The following RIOK3 variants were observed in gnomAD, a reference collection of about 807,000 sequenced individuals.
The protein encoded by RIOK3 is RIO kinase 3.
In RIOK3, 40 loss-of-function variants were observed where a neutral mutation model predicts 63.5. That is an observed-to-expected ratio of 0.63 (90% CI 0.49 to 0.82). The LOEUF (loss-of-function observed/expected upper bound fraction) is 0.82, where lower values mean the gene tolerates loss of function less well. Among genes scored for constraint, RIOK3 ranks in the 40% least tolerant of loss-of-function variants. RIOK3 has a pLI of 0.00. For synonymous variants in RIOK3, 193 were observed against 205.0 expected (o/e 0.94, Z 0.50); for missense variants, 557 against 637.0 (o/e 0.87, Z 1.35).
At chr18:23,466,863 A>T (rs2057412124) in intron 6 of RIOK3, among the ~76,000 whole-genome samples, 1 of 151,320 alleles carries the variant, frequency 6.6e-6, no homozygotes, top group Admixed American at 6.6e-5. Context: ...TTAGCCGGGC[A>T]TGTTGGTGTG....
Position 23,464,284 on chromosome 18 carries a change from A to G in RIOK3, c.404A>G (p.Gln135Arg), listed in dbSNP as rs144117791. 5 of 1,614,000 alleles carry G rather than the reference A, an allele frequency of 3.1e-6. No individual in the cohort carries two copies. The highest frequency in any genetic ancestry group is 1.3e-5 in the African/African-American group (1 of 74,944). ...SDSSEDEVDW[Q>R]DTRDDPYRPA... Reference sequence around the variant, plus strand: ...AGCTCTGAAGATGAGGTTGACTGGCAGGATACTCGTGATGATCCCTACAGA... The same window carrying G: ...AGCTCTGAAGATGAGGTTGACTGGCGGGATACTCGTGATGATCCCTACAGA... Residue 135 changes from glutamine (Q) to arginine (R), a missense_variant, in exon 4 of 13, where the codon CAG becomes CGG. Gln to Arg is a conservative substitution (Grantham distance 43). Transcript: ENST00000339486.
In RIOK3 at chr18:23,464,212, T is replaced by C. The variant is rs2057390724; in HGVS notation, c.332T>C (p.Ile111Thr). The change falls in exon 4 of 13, where the codon ATT becomes ACT. Residue 111 changes from isoleucine to threonine, a missense_variant. By Grantham distance (89) the Ile-to-Thr change is moderately conservative (BLOSUM62 -1). This residue lies in a region of RIOK3 where 243 missense variants were observed against 275.4 expected (regional missense o/e 0.88). Transcript: ENST00000339486. ...KKFNGDSKVSISFENYRKVHP... is the reference protein window; with the variant it reads ...KKFNGDSKVSTSFENYRKVHP... The stretch of plus-strand genomic sequence containing the variant: ...ACTATTTTTGCTTCTTAAGTTTCCA[T>C]TTCCTTTGAAAATTATCGAAAAGTG... 3 of 1,613,068 alleles carry C rather than the reference T, an allele frequency of 1.9e-6. No individual in the cohort carries two copies. Among genetic ancestry groups the C allele is most frequent in the Non-Finnish European group, 2.5e-6 (3 of 1,179,678 alleles).
chr18:23,464,275 T>C lies in RIOK3; in HGVS notation c.395T>C (p.Val132Ala). 1 of 1,614,188 alleles carries C rather than the reference T, an allele frequency of 6.2e-7. No homozygotes were observed. The highest frequency in any genetic ancestry group is 8.5e-7 in the Non-Finnish European group (1 of 1,180,006). ...YEDSDSSEDE[V>A]DWQDTRDDPY... ...GACAGCGATAGCTCTGAAGATGAGG[T>C]TGACTGGCAGGATACTCGTGATGAT... Residue 132 changes from valine (V) to alanine (A), a missense_variant, in exon 4 of 13, where the codon GTT (valine) becomes GCT (alanine). Transcript: ENST00000339486.
In RIOK3 at chr18:23,481,529, GA is replaced by G. The variant is rs45611738; in HGVS notation, c.*252del. The G allele has an allele frequency of 3.4e-4, 117 of 340,290 alleles. 1 individual carries two copies. The highest frequency in any genetic ancestry group is 7.8e-4 in the Middle Eastern group (1 of 1,280). 21.1% of individuals were successfully genotyped at this position (340,290 alleles called of 1,614,324 possible). ...TTTAACAGCTATAGGTTATCTGGCT[GA>G]AGTAGACCTAATTTTATGTGACTTG... On this transcript the variant is annotated 3_prime_UTR_variant, in exon 13 of 13. Coordinates refer to ENST00000339486, the MANE Select transcript of RIOK3 (RefSeq NM_003831.5).
intron 7 of RIOK3, among the ~76,000 whole-genome samples, chr18:23,469,741 C>G (rs1436751029): frequency 6.6e-6 from 1 of 152,064 alleles, no homozygotes; most frequent in Admixed American, 6.5e-5. Flanking sequence ...CTGCCTCAGC[C>G]TCCCAAAGTG....
chr18:23,471,766 G>A (rs2057457789), intron 7 of RIOK3, among the ~76,000 whole-genome samples: 1 of 152,130 alleles, frequency 6.6e-6, no homozygotes, highest in African/African-American at 2.4e-5. Context: ...GCAGCTGATG[G>A]TGGTACCGTT....
At chr18:23,462,707 G>A (rs1359808106) in intron 1 of RIOK3, among the ~76,000 whole-genome samples, 1 of 152,214 alleles carries the variant, frequency 6.6e-6, no homozygotes, top group Non-Finnish European at 1.5e-5. Context: ...TGGGCCTGAT[G>A]CTTCCCCTCA....
At chr18:23,463,566 C>T (rs534457023) in intron 2 of RIOK3, among the ~76,000 whole-genome samples, 5 of 152,114 alleles carry the variant, frequency 3.3e-5, no homozygotes, top group African/African-American at 1.2e-4. Flanking sequence ...TGTGCTGCCA[C>T]GTCCGGCTAA....
chr18:23,463,276 G>A (rs1438021004), intron 2 of RIOK3, 197 bp downstream of exon 2: 1 of 458,928 alleles, frequency 2.2e-6, no homozygotes, highest in African/African-American at 2.0e-5. Context: ...CTGTTTCTGT[G>A]GGTTTTAGTT....
At chr18:23,456,216 C>T (rs1015300855) in intron 1 of RIOK3, among the ~76,000 whole-genome samples, 73 of 152,310 alleles carry the variant, frequency 4.8e-4, no homozygotes, top group African/African-American at 1.5e-3. Flanking sequence ...GTTAGGATTA[C>T]AGGCGTGAGC....
intron 1 of RIOK3, among the ~76,000 whole-genome samples, chr18:23,461,079 C>T (rs181414858): frequency 9.1e-4 from 138 of 152,260 alleles, no homozygotes; most frequent in Middle Eastern, 3.4e-3. Flanking sequence ...TATCATTTGT[C>T]GCCTTTAGGT....
chr18:23,462,433 G>C lies in RIOK3; in HGVS notation c.64-531G>C, dbSNP rs367587253. 5.3e-4 allele frequency among the ~76,000 whole-genome samples: 81 copies of C among 152,306 alleles called. 1 individual carries two copies. In the East Asian group the frequency reaches 0.01, roughly 19 times the overall value. ...TAGGATTACAGGCGCGCGCCACCGC[G>C]CCTGGCCTGTTCTTGTTTTTGTTTT... On this transcript the variant is annotated intron_variant, in intron 1 of 12. Coordinates refer to ENST00000339486, the MANE Select transcript of RIOK3 (RefSeq NM_003831.5).
intron 8 of RIOK3, among the ~76,000 whole-genome samples, chr18:23,474,585 A>G (rs1452712030): frequency 6.6e-6 from 1 of 152,146 alleles, no homozygotes; most frequent in African/African-American, 2.4e-5. Flanking sequence ...GTTGATTGAT[A>G]TACATTCCCC....
In RIOK3 at chr18:23,480,555, GCACA is replaced by G. The variant is rs59552026; in HGVS notation, c.1453-584_1453-581del. Reference sequence around the variant, plus strand: ...ACTATTTGTGTATACTTGGATGCACGCACACACACACACACACACACACACACAC... The same window carrying G: ...ACTATTTGTGTATACTTGGATGCACGCACACACACACACACACACACACAC... On this transcript the variant is annotated intron_variant, in intron 12 of 12. Coordinates refer to ENST00000339486, the MANE Select transcript of RIOK3 (RefSeq NM_003831.5). 6.9e-3 allele frequency among the ~76,000 whole-genome samples: 974 copies of G among 142,058 alleles called. 7 individuals carry two copies. The highest frequency in any genetic ancestry group is 0.018 in the Middle Eastern group (5 of 282). The allele number at this position is 142,058 out of a possible 152,430, so 93.2% of individuals were successfully genotyped here. A position where few individuals can be genotyped will look rare whatever the true frequency, so the allele number is the denominator to read the frequency against.
rs762822463 is a variant in RIOK3 at position 23,482,858 on chromosome 18, G to A, written c.*1579G>A. 11 of 151,972 alleles carry A rather than the reference G, an allele frequency of 7.2e-5. No individual in the cohort carries two copies. The highest frequency in any genetic ancestry group is 1.5e-4 in the Non-Finnish European group (10 of 67,994). The allele number at this position is 151,972 out of a possible 1,614,324, so 9.4% of individuals were successfully genotyped here. On this transcript the variant is annotated 3_prime_UTR_variant, in exon 13 of 13. Transcript: ENST00000339486. ...AAAAATATTTATTTTTGTTTTTGTT[G>A]GATAGCTTTTAATTACATTTCAGAG...
intron 10 of RIOK3, 36 bp from the exon 11 acceptor site, chr18:23,477,143 T>C: frequency 6.2e-7 from 1 of 1,612,054 alleles, no homozygotes; most frequent in Non-Finnish European, 8.5e-7. Context: ...AAATTTAAAA[T>C]GTAAATACAT....
Position 23,477,082 on chromosome 18 carries a change from G to A in RIOK3, c.1250G>A (p.Gly417Glu), listed in dbSNP as rs771278526. 1 of 1,613,830 alleles carries A rather than the reference G, an allele frequency of 6.2e-7. No homozygotes were observed. Among genetic ancestry groups the A allele is most frequent in the Admixed American group, 1.7e-5 (1 of 60,010 alleles). Residue 417 changes from glycine to glutamate, a missense_variant, in exon 10 of 13, where the codon GGA becomes GAA. Coordinates refer to ENST00000339486, the MANE Select transcript of RIOK3 (RefSeq NM_003831.5). Reference sequence around the variant, plus strand: ...GAGTATAACATGCTGTGGCATGCTGGAAAGGTGAGGAGCACATTTTGTTAA... The same window carrying A: ...GAGTATAACATGCTGTGGCATGCTGAAAAGGTGAGGAGCACATTTTGTTAA... The part of the protein sequence containing the change: ...LSEYNMLWHA[G>E]KVWLIDVSQS...
rs776552183 is a variant in RIOK3 at position 23,477,254 on chromosome 18, A to G, written c.1330A>G (p.Arg444Gly). 25 of 1,614,030 alleles carry G rather than the reference A, an allele frequency of 1.5e-5. No individual in the cohort carries two copies. Among genetic ancestry groups the G allele is most frequent in the Non-Finnish European group, 2.1e-5 (25 of 1,179,860 alleles). ...HGLEFLFRDCRNVSQFFQKGG... is the reference protein window; with the variant it reads ...HGLEFLFRDCGNVSQFFQKGG... ...CCTGGAGTTCTTGTTCCGGGACTGC[A>G]GGAATGTCTCGCAGGTAGACGTGTA... Residue 444 changes from arginine to glycine, a missense_variant, in exon 11 of 13, where the codon AGG becomes GGG. Physicochemically the swap from Arg to Gly is moderately radical, Grantham distance 125 (BLOSUM62 -2). Transcript: ENST00000339486.
At chr18:23,464,726 GTCTT>G (rs1273315665) in intron 5 of RIOK3, 98 bp downstream of exon 5, 2 of 597,964 alleles carry the variant, frequency 3.3e-6, no homozygotes, top group Non-Finnish European at 2.7e-6. Context: ...TTCTAAAAAT[GTCTT>G]TCTTTCTAAA....
Sources: allele counts gnomAD v4.1 joint callset (sites outside exome capture counted in the v4.1 genomes callset), GRCh38; gene constraint gnomAD v4.1.1; regional missense constraint gnomAD v4.1.1; transcripts MANE v1.5; gene names NCBI Gene and HGNC (gene_info 2026-07-23, HGNC 2026-07-21).